The following LRCH3 variants were observed in gnomAD, a reference collection of about 807,000 sequenced individuals.
LRCH3 encodes the protein leucine rich repeats and calponin homology domain containing 3.
LRCH3 carries 68 observed loss-of-function variants against 104.5 expected under a neutral mutation model. The ratio of observed to expected loss-of-function variants is 0.65; its 90% CI spans 0.54 to 0.80. LRCH3 has a LOEUF of 0.80. LRCH3 is among the 30% of genes least tolerant of loss of function. The pLI, the probability that LRCH3 is intolerant of heterozygous loss-of-function variation, is 0.00. For synonymous variants in LRCH3, 344 were observed against 361.3 expected (o/e 0.95, Z 0.54); for missense variants, 951 against 953.9 (o/e 1.00, Z 0.04).
At chr3:197,809,319 TTC>T (rs2109151301) in intron 1 of LRCH3, among the ~76,000 whole-genome samples, 1 of 152,214 alleles carries the variant, frequency 6.6e-6, no homozygotes, top group East Asian at 1.9e-4. Flanking sequence ...AGGACTTTTT[TTC>T]TCTGTCTTCC....
At chr3:197,869,820 C>T (rs34135823) in intron 17 of LRCH3, among the ~76,000 whole-genome samples, 2,101 of 141,104 alleles carry the variant, frequency 0.015, 3 homozygotes, top group Non-Finnish European at 0.023. Context: ...AGGTAGAAAG[C>T]GATGCACTGT....
At chr3:197,853,094 T>C (rs1294685146) in intron 13 of LRCH3, among the ~76,000 whole-genome samples, 1 of 152,234 alleles carries the variant, frequency 6.6e-6, no homozygotes, top group Non-Finnish European at 1.5e-5. Flanking sequence ...TACACACCTC[T>C]TTTGATCTGT....
At chr3:197,879,573 G>C (rs901498501) in intron 20 of LRCH3, among the ~76,000 whole-genome samples, 30 of 151,948 alleles carry the variant, frequency 2.0e-4, no homozygotes, top group Non-Finnish European at 7.4e-5. Flanking sequence ...GGGAACCCGG[G>C]AGGCGGAGCT....
At chr3:197,835,051 G>T (rs1398799073) in intron 8 of LRCH3, among the ~76,000 whole-genome samples, 1 of 152,110 alleles carries the variant, frequency 6.6e-6, no homozygotes, top group Non-Finnish European at 1.5e-5. Context: ...GGCTGAGGCA[G>T]GAGAATCGCT....
intron 20 of LRCH3, chr3:197,880,877 C>T (rs1029387968): frequency 3.8e-5 from 55 of 1,440,812 alleles, no homozygotes; most frequent in Non-Finnish European, 5.0e-5. Flanking sequence ...CAGATGAGCA[C>T]CCCCTCACAT....
intron 17 of LRCH3, among the ~76,000 whole-genome samples, chr3:197,866,825 AAAACAAACAAAC>A (rs144787772): frequency 1.3e-5 from 2 of 151,828 alleles, no homozygotes; most frequent in South Asian, 2.1e-4. Flanking sequence ...TCTGTCTCTT[AAAACAAACAAAC>A]AAACAAACAA....
rs71166710 is a variant in LRCH3, at chr3:197,833,365, GAAAAAAA to G, written c.1102+1068_1102+1074del. ...TGAAACCCCATCTCTACTAAAAACC[GAAAAAAA>G]AAAAAAAAAAAAAAAAAAAGCAGGG... On this transcript the variant is annotated intron_variant, in intron 8 of 20. Transcript: ENST00000425562. Among the ~76,000 whole-genome samples the G allele has an allele frequency of 2.1e-4, 7 of 33,338 alleles. No individual in the cohort carries two copies. The South Asian group carries it at 6.4e-3, about 31-fold the overall frequency. 21.9% of individuals were successfully genotyped at this position (33,338 alleles called of 152,430 possible). A position where few individuals can be genotyped will look rare whatever the true frequency, so the allele number is the denominator to read the frequency against.
At chr3:197,794,775 C>T (rs1212356888) in intron 1 of LRCH3, among the ~76,000 whole-genome samples, 1 of 152,112 alleles carries the variant, frequency 6.6e-6, no homozygotes, top group Non-Finnish European at 1.5e-5. Context: ...GAGGCCAGGG[C>T]GGGCAGATCA....
At chr3:197,799,785 A>G (rs1731662843) in intron 1 of LRCH3, among the ~76,000 whole-genome samples, 1 of 151,952 alleles carries the variant, frequency 6.6e-6, no homozygotes, top group African/African-American at 2.4e-5. Flanking sequence ...GAGGCAGGGG[A>G]ATTGCTTATC....
chr3:197,818,110 C>T (rs1375779756), intron 3 of LRCH3, among the ~76,000 whole-genome samples: 3 of 152,136 alleles, frequency 2.0e-5, no homozygotes, highest in Non-Finnish European at 4.4e-5. Flanking sequence ...CGTGAGCCAC[C>T]GCGCACGGCC....
chr3:197,839,199 G>A (rs1157772583), intron 9 of LRCH3, 122 bp from the exon 10 acceptor site: 4 of 630,616 alleles, frequency 6.3e-6, no homozygotes, highest in Admixed American at 3.7e-5. Context: ...TACATTTGAA[G>A]AGTCTATTAA....
chr3:197,855,641 A>G (rs1740146447), intron 14 of LRCH3, among the ~76,000 whole-genome samples: 1 of 151,448 alleles, frequency 6.6e-6, no homozygotes, highest in Admixed American at 6.5e-5. Context: ...AAGGTTTAAT[A>G]ACACATGGAA....
intron 3 of LRCH3, among the ~76,000 whole-genome samples, chr3:197,820,099 T>A (rs1560539410): frequency 6.6e-6 from 1 of 152,230 alleles, no homozygotes; most frequent in Non-Finnish European, 1.5e-5. Context: ...CTTCCCTCTG[T>A]TCATATAATG....
At chr3:197,838,343 G>A (rs1737211489) in intron 9 of LRCH3, among the ~76,000 whole-genome samples, 1 of 152,160 alleles carries the variant, frequency 6.6e-6, no homozygotes, top group Non-Finnish European at 1.5e-5. Flanking sequence ...TTTATTATTT[G>A]GGATCTCATG....
Position 197,849,331 on chromosome 3 carries a change from T to C in LRCH3, c.1530+1310T>C, listed in dbSNP as rs1169983345. Among the ~76,000 whole-genome samples the C allele has an allele frequency of 3.7e-5, 5 of 136,446 alleles. No individual in the cohort carries two copies. In the East Asian group the frequency reaches 1.1e-3, roughly 30 times the overall value. 89.5% of individuals were successfully genotyped at this position (136,446 alleles called of 152,430 possible). The stretch of plus-strand genomic sequence containing the variant: ...TTGACCAATAGCAAAAATACTAAAA[T>C]TAATATTCCTACAAGCAGAAGTTCA... On this transcript the variant is annotated intron_variant, in intron 12 of 20. Coordinates refer to ENST00000425562, the MANE Select transcript of LRCH3 (RefSeq NM_001365715.1).
At chr3:197,838,928 AG>A (rs1386786857) in intron 9 of LRCH3, among the ~76,000 whole-genome samples, 1 of 152,208 alleles carries the variant, frequency 6.6e-6, no homozygotes, top group Non-Finnish European at 1.5e-5. Context: ...GAAATATTCA[AG>A]AGAAACTGAG....
At chr3:197,829,316 C>G (rs994175592) in intron 5 of LRCH3, among the ~76,000 whole-genome samples, 1 of 152,084 alleles carries the variant, frequency 6.6e-6, no homozygotes, top group Admixed American at 6.6e-5. Flanking sequence ...ACAGTATAAT[C>G]AAAAGTTATT....
intron 14 of LRCH3, among the ~76,000 whole-genome samples, chr3:197,857,193 GT>G (rs1171983867): frequency 1.9e-3 from 252 of 135,084 alleles, no homozygotes; most frequent in African/African-American, 8.6e-3. Flanking sequence ...GTTAATATCA[GT>G]TTACACTGAC....
At chr3:197,870,304 C>A in intron 18 of LRCH3, 26 bp downstream of exon 18, 1 of 1,599,372 alleles carries the variant, frequency 6.3e-7, no homozygotes, top group Non-Finnish European at 8.6e-7. Context: ...TTGATTTACA[C>A]TTTTTCAGTA....
Sources: allele counts gnomAD v4.1 joint callset (sites outside exome capture counted in the v4.1 genomes callset), GRCh38; gene constraint gnomAD v4.1.1; transcripts MANE v1.5; gene names NCBI Gene and HGNC (gene_info 2026-07-23, HGNC 2026-07-21).